Variants in S100Z observed in about 807,000 individuals in gnomAD.
S100Z encodes the protein protein S100-Z.
A neutral mutation model predicts 8.5 loss-of-function variants in S100Z; 11 were observed. The ratio of observed to expected loss-of-function variants is 1.30; its 90% CI spans 0.82 to 2.15. The LOEUF is 2.15. Among genes scored for constraint, S100Z ranks in the 30% most tolerant of loss-of-function variants. The pLI is 0.00. For missense variants in S100Z, 126 were observed against 117.9 expected (o/e 1.07, Z -0.32); for synonymous variants, 34 against 43.8 (o/e 0.78, Z 0.89).
At chr5:76,919,907 A>ATTTTTTTTTTTTCAT (rs1561253785) in intron 4 of S100Z, among the ~76,000 whole-genome samples, 9 of 122,226 alleles carry the variant, frequency 7.4e-5, no homozygotes, top group African/African-American at 2.7e-4. Flanking sequence ...CCCAGCTTTC[A>ATTTTTTTTTTTTCAT]TTTTTTTTTT....
chr5:76,906,271 T>G (rs997451908), intron 4 of S100Z, among the ~76,000 whole-genome samples: 3 of 152,256 alleles, frequency 2.0e-5, no homozygotes, highest in East Asian at 1.9e-4. Context: ...TTCACATATT[T>G]TTTTGGTGAT....
At chr5:76,890,460 T>C (rs1743817133) in intron 4 of S100Z, among the ~76,000 whole-genome samples, 1 of 152,120 alleles carries the variant, frequency 6.6e-6, no homozygotes, top group African/African-American at 2.4e-5. Context: ...AAAAAGAGAA[T>C]ATGATTTCAT....
chr5:76,927,221 G>A, the S100Z span, among the ~76,000 whole-genome samples: 1 of 152,210 alleles, frequency 6.6e-6, no homozygotes, highest in African/African-American at 2.4e-5. Flanking sequence ...CTCTGGGGGA[G>A]AGGGATTCTA....
chr5:76,887,519 C>T (rs143987341), intron 4 of S100Z, among the ~76,000 whole-genome samples: 205 of 151,644 alleles, frequency 1.4e-3, no homozygotes, highest in African/African-American at 4.9e-3. Context: ...CATGCCTCAG[C>T]CTCCCGAGTA....
chr5:76,871,807 G>A (rs536730570), intron 2 of S100Z, among the ~76,000 whole-genome samples: 14 of 152,286 alleles, frequency 9.2e-5, no homozygotes, highest in African/African-American at 3.4e-4. Flanking sequence ...GATTACAGGC[G>A]TGAGCCACCG....
At chr5:76,878,394 T>C (rs972714716) in intron 4 of S100Z, among the ~76,000 whole-genome samples, 1 of 152,206 alleles carries the variant, frequency 6.6e-6, no homozygotes, top group South Asian at 2.1e-4. Flanking sequence ...TGAGCTGGCA[T>C]ATAAATACCC....
At chr5:76,885,286 A>AG (rs1561235943) in intron 4 of S100Z, among the ~76,000 whole-genome samples, 1 of 151,114 alleles carries the variant, frequency 6.6e-6, no homozygotes, top group South Asian at 2.1e-4. Context: ...GAGAAGGGGT[A>AG]GGGGGTGCTT....
At chr5:76,856,779 G>A (rs969632041) in intron 1 of S100Z, among the ~76,000 whole-genome samples, 2 of 152,168 alleles carry the variant, frequency 1.3e-5, no homozygotes, top group Admixed American at 1.3e-4. Flanking sequence ...GTACTGATAC[G>A]ACTCTCAGGG....
At chr5:76,949,158 G>A in the S100Z span, among the ~76,000 whole-genome samples, 3 of 152,202 alleles carry the variant, frequency 2.0e-5, no homozygotes, top group Admixed American at 1.3e-4. Flanking sequence ...GGAGGCCAAC[G>A]TGGGCAGATC....
intron 4 of S100Z, among the ~76,000 whole-genome samples, chr5:76,902,060 G>A (rs995467705): frequency 2.6e-5 from 4 of 152,040 alleles, no homozygotes; most frequent in African/African-American, 7.2e-5. Context: ...GCCCTGTCTC[G>A]CTGTGGCTGA....
At chr5:76,881,496 G>A (rs192560495) in intron 4 of S100Z, among the ~76,000 whole-genome samples, 4 of 152,270 alleles carry the variant, frequency 2.6e-5, no homozygotes, top group Non-Finnish European at 4.4e-5. Flanking sequence ...CAATCCCTGA[G>A]GAGTAGTAGT....
intron 1 of S100Z, among the ~76,000 whole-genome samples, chr5:76,858,540 G>A (rs1750953457): frequency 6.6e-6 from 1 of 151,190 alleles, no homozygotes; most frequent in South Asian, 2.1e-4. Flanking sequence ...AAAAAAGGGG[G>A]TGATGGGAAA....
intron 1 of S100Z, among the ~76,000 whole-genome samples, chr5:76,860,228 A>AG (rs1751017202): frequency 1.3e-5 from 2 of 152,268 alleles, no homozygotes; most frequent in Admixed American, 1.3e-4. Flanking sequence ...GTGGCCACCA[A>AG]GCACCGAGGC....
In S100Z at chr5:76,906,972, GTGTGTATATATATATATA is replaced by G. The variant is rs1320302576; in HGVS notation, c.*3-13743_*3-13726del. On this transcript the variant is annotated intron_variant, in intron 4 of 4. Coordinates refer to ENST00000317593, the MANE Select transcript of S100Z (RefSeq NM_130772.4). ...AAGGCTGAATAGTATTCCATTGTGT[GTGTGTATATATATATATA>G]TATATATATATATATATATATATAT... Among the ~76,000 whole-genome samples the G allele has an allele frequency of 4.0e-3, 122 of 30,450 alleles. 3 individuals carry two copies. The highest frequency in any genetic ancestry group is 0.014 in the African/African-American group (117 of 8,128). The allele number at this position is 30,450 out of a possible 152,430, so 20.0% of individuals were successfully genotyped here.
At chr5:76,872,092 A>C (rs1353337646) in intron 2 of S100Z, among the ~76,000 whole-genome samples, 1 of 151,794 alleles carries the variant, frequency 6.6e-6, no homozygotes, top group African/African-American at 2.4e-5. Flanking sequence ...AAAAATAAAA[A>C]ATTAACCAGG....
At chr5:76,870,315 T>C (rs1742963427) in intron 2 of S100Z, 31 bp downstream of exon 2, 1 of 152,174 alleles carries the variant, frequency 6.6e-6, no homozygotes, top group African/African-American at 2.4e-5. Context: ...CCTTTTCCTA[T>C]AGGTAACATA....
chr5:76,945,244 C>T, the S100Z span, among the ~76,000 whole-genome samples: 4 of 152,118 alleles, frequency 2.6e-5, no homozygotes, highest in African/African-American at 7.2e-5. Flanking sequence ...CAATGCACTG[C>T]GGAAAGCTGC....
At chr5:76,886,162 A>G (rs1743621515) in intron 4 of S100Z, among the ~76,000 whole-genome samples, 1 of 152,208 alleles carries the variant, frequency 6.6e-6, no homozygotes, top group South Asian at 2.1e-4. Context: ...GGACCAAGGC[A>G]GGTGTCCCCG....
intron 1 of S100Z, among the ~76,000 whole-genome samples, chr5:76,855,168 C>T (rs374315031): frequency 6.6e-6 from 1 of 152,196 alleles, no homozygotes; most frequent in Non-Finnish European, 1.5e-5. Flanking sequence ...TCATAGAGAA[C>T]GTCTGCAAAG....
Sources: allele counts gnomAD v4.1 joint callset (sites outside exome capture counted in the v4.1 genomes callset), GRCh38; gene constraint gnomAD v4.1.1; transcripts MANE v1.5; gene names NCBI Gene and HGNC (gene_info 2026-07-23, HGNC 2026-07-21).